Variants in PCSK2 observed in about 807,000 individuals in gnomAD.
The protein encoded by PCSK2 is neuroendocrine convertase 2.
In PCSK2, 14 loss-of-function variants were observed where a neutral mutation model predicts 69.7. The observed-to-expected ratio is 0.20, with a 90% CI of 0.13 to 0.31. The LOEUF (loss-of-function observed/expected upper bound fraction) is 0.31. PCSK2 is among the 10% of genes least tolerant of loss of function. The probability of loss-of-function intolerance (pLI) is 1.00; values close to 1 mark genes in which losing one functional copy is unlikely to be tolerated. For missense variants in PCSK2, 544 were observed against 842.5 expected, an observed-to-expected ratio of 0.65 and a Z score of 4.39; for synonymous variants, 307 against 320.7, an observed-to-expected ratio of 0.96 and a Z score of 0.46.
intron 2 of PCSK2, among the ~76,000 whole-genome samples, chr20:17,298,624 G>A (rs966810910): frequency 2.6e-5 from 4 of 152,038 alleles, no homozygotes; most frequent in African/African-American, 9.7e-5. Context: ...TTTACCACCA[G>A]TACTTTCATA....
Position 17,285,320 on chromosome 20 carries a change from C to T in PCSK2, c.282+24976C>T, listed in dbSNP as rs1384982984. Reference sequence around the variant, plus strand: ...GTTAACATCAAGTCATGTCAGGCTACTTATTTTGTGTAAGGAATACAGCAG... The same window carrying T: ...GTTAACATCAAGTCATGTCAGGCTATTTATTTTGTGTAAGGAATACAGCAG... On this transcript the variant is annotated intron_variant, in intron 2 of 11. Transcript: ENST00000262545. Among the ~76,000 whole-genome samples, 3 of 152,136 alleles carry T rather than the reference C, an allele frequency of 2.0e-5. No individual in the cohort carries two copies. The South Asian group carries it at 6.2e-4, about 32-fold the overall frequency.
At position 17,453,041 on chromosome 20, in the gene PCSK2, T is replaced by C. The variant is rs1206543671; in HGVS notation, c.886-701T>C. On this transcript the variant is annotated intron_variant, in intron 8 of 11. Transcript: ENST00000262545. This position sits in a 1 kb window ranked among gnomAD's most constrained non-coding sequence, Gnocchi z 4.0. ...ATCATATTAGACTTTCCTCCTACATTTGGAGTTCCCTTGCTCAAGTAAAAT... is the reference window on the plus strand; with the variant it reads ...ATCATATTAGACTTTCCTCCTACATCTGGAGTTCCCTTGCTCAAGTAAAAT... Among the ~76,000 whole-genome samples the C allele has an allele frequency of 3.3e-5, 5 of 152,232 alleles. No individual in the cohort carries two copies. Among genetic ancestry groups the C allele is most frequent in the Non-Finnish European group, 7.3e-5 (5 of 68,046 alleles).
intron 2 of PCSK2, among the ~76,000 whole-genome samples, chr20:17,274,060 A>T (rs1333816486): frequency 2.6e-5 from 4 of 152,184 alleles, no homozygotes; most frequent in Non-Finnish European, 5.9e-5. Flanking sequence ...CCATGTGCTC[A>T]GGAAGGAGAG....
chr20:17,341,422 C>A (rs1038609168), intron 2 of PCSK2, among the ~76,000 whole-genome samples: 1 of 152,148 alleles, frequency 6.6e-6, no homozygotes. Context: ...AAGCGGGCCG[C>A]CCCCAGTATC....
intron 2 of PCSK2, among the ~76,000 whole-genome samples, chr20:17,264,862 T>G (rs2123008862): frequency 2.3e-5 from 1 of 43,630 alleles, no homozygotes; most frequent in Non-Finnish European, 5.6e-5. Flanking sequence ...TTTTCTTTCT[T>G]TCTTTCTTTT....
intron 2 of PCSK2, among the ~76,000 whole-genome samples, chr20:17,312,281 A>C (rs1989542092): frequency 6.6e-6 from 1 of 152,204 alleles, no homozygotes; most frequent in Non-Finnish European, 1.5e-5. Flanking sequence ...AGAGTCAAAG[A>C]AACAGGGGAC....
At chr20:17,249,307 C>T (rs1000056079) in intron 1 of PCSK2, among the ~76,000 whole-genome samples, 1 of 151,804 alleles carries the variant, frequency 6.6e-6, no homozygotes, top group African/African-American at 2.4e-5. Flanking sequence ...GAGATCGAGA[C>T]CATCCTGGCT....
chr20:17,295,808 A>T (rs1328016491), intron 2 of PCSK2, among the ~76,000 whole-genome samples: 3 of 152,046 alleles, frequency 2.0e-5, no homozygotes, highest in South Asian at 2.1e-4. Flanking sequence ...CTCCTGCCCC[A>T]GTCTTTCAAA....
chr20:17,384,104 C>T (rs1313467355), intron 5 of PCSK2, among the ~76,000 whole-genome samples: 1 of 152,108 alleles, frequency 6.6e-6, no homozygotes, highest in Non-Finnish European at 1.5e-5. Context: ...TGTGCGTGTG[C>T]CATTGTGTCC....
chr20:17,415,323 C>A (rs1291824129), intron 6 of PCSK2, among the ~76,000 whole-genome samples: 1 of 152,208 alleles, frequency 6.6e-6, no homozygotes, highest in Non-Finnish European at 1.5e-5. Context: ...AGCTGAGAAG[C>A]AACTTCAGCA....
intron 2 of PCSK2, among the ~76,000 whole-genome samples, chr20:17,353,319 G>A (rs2030063432): frequency 6.6e-6 from 1 of 152,046 alleles, no homozygotes; most frequent in African/African-American, 2.4e-5. Flanking sequence ...AAAAAAATTA[G>A]CTGGGCGTGG....
At chr20:17,397,045 G>C (rs1239500872) in intron 5 of PCSK2, among the ~76,000 whole-genome samples, 1 of 152,160 alleles carries the variant, frequency 6.6e-6, no homozygotes, top group African/African-American at 2.4e-5. Flanking sequence ...GCAAAGACTT[G>C]AGCACAGAAT....
At chr20:17,428,313 G>C (rs754124509) in intron 6 of PCSK2, among the ~76,000 whole-genome samples, 7 of 152,146 alleles carry the variant, frequency 4.6e-5, no homozygotes, top group Admixed American at 6.5e-5. Flanking sequence ...CATGATAGGC[G>C]GGTTTCATTC....
intron 2 of PCSK2, among the ~76,000 whole-genome samples, chr20:17,317,819 G>A (rs1256940978): frequency 6.6e-6 from 1 of 152,102 alleles, no homozygotes; most frequent in Admixed American, 6.6e-5. Context: ...CACATGAAAG[G>A]TTGGAAAATA....
intron 2 of PCSK2, among the ~76,000 whole-genome samples, chr20:17,294,430 G>C (rs6044728): frequency 0.21 from 32,340 of 152,116 alleles, 3,855 homozygotes; most frequent in Middle Eastern, 0.3. Context: ...TAAGGCCTGC[G>C]TATTTTATGC....
intron 8 of PCSK2, among the ~76,000 whole-genome samples, chr20:17,437,143 G>C (rs554098206): frequency 1.3e-5 from 2 of 152,184 alleles, no homozygotes; most frequent in Admixed American, 6.5e-5. Context: ...GGGCCGGGGG[G>C]GGGAGGGTCT....
In PCSK2 at chr20:17,249,565, C is replaced by T. The variant is rs118142488; in HGVS notation, c.178-10675C>T. Reference sequence around the variant, plus strand: ...ACAGGTACACCTATGTTCATGGCAGCATTATTCGCAATAGCCAAAAGGTGG... The same window carrying T: ...ACAGGTACACCTATGTTCATGGCAGTATTATTCGCAATAGCCAAAAGGTGG... On this transcript the variant is annotated intron_variant, in intron 1 of 11. Transcript: ENST00000262545. Among the ~76,000 whole-genome samples the T allele has an allele frequency of 2.9e-4, 43 of 150,738 alleles. No homozygotes were observed. In the East Asian group the frequency reaches 8.4e-3, roughly 29 times the overall value.
chr20:17,467,588 A>G (rs770519342), intron 11 of PCSK2, among the ~76,000 whole-genome samples: 2 of 152,232 alleles, frequency 1.3e-5, no homozygotes, highest in Non-Finnish European at 2.9e-5. Flanking sequence ...CTGCATTCAT[A>G]ATCGAAAGAG....
intron 2 of PCSK2, among the ~76,000 whole-genome samples, chr20:17,302,501 G>T (rs564594955): frequency 8.5e-5 from 13 of 152,226 alleles, no homozygotes; most frequent in South Asian, 4.2e-4. Flanking sequence ...TTCAGTAAGG[G>T]TCTGTACCGA....
Sources: gnomAD v4.1 joint callset for allele counts (sites outside exome capture counted in the v4.1 genomes callset) on GRCh38, gnomAD v4.1.1 for gene constraint, Gnocchi (gnomAD v3.1) non-coding constraint, MANE v1.5 for transcripts, NCBI Gene and HGNC (gene_info 2026-07-23, HGNC 2026-07-21) for gene names.